DLG2: variants seen among roughly 807,000 people sequenced by gnomAD.
DLG2 encodes discs large MAGUK scaffold protein 2, also known as disks large homolog 2.
A neutral mutation model predicts 132.5 loss-of-function variants in DLG2; 45 were observed. The observed-to-expected ratio is 0.34, with a 90% CI of 0.27 to 0.44. The LOEUF is 0.44. Among genes scored for constraint, DLG2 ranks in the 20% least tolerant of loss-of-function variants. The pLI is 1.00. For missense variants in DLG2, 1,045 were observed against 1,196.9 expected, an observed-to-expected ratio of 0.87 and a Z score of 1.87; for synonymous variants, 424 against 419.6, an observed-to-expected ratio of 1.01 and a Z score of -0.13.
chr11:84,373,265 C>CAACAAAA lies in DLG2; in HGVS notation c.520-121975_520-121974insTTTTGTT, dbSNP rs2098715169. 3.1e-5 allele frequency among the ~76,000 whole-genome samples: 3 copies of CAACAAAA among 98,090 alleles called. 1 individual carries two copies. Among genetic ancestry groups the CAACAAAA allele is most frequent in the South Asian group, 3.5e-4 (1 of 2,884 alleles). The allele number at this position is 98,090 out of a possible 152,430, so 64.4% of individuals were successfully genotyped here. ...AGAAACAGTCAAAAAAAAAAAAAAA[C>CAACAAAA]AAAACAAAAAAAAAACCCACCAGGC... On this transcript the variant is annotated intron_variant, in intron 7 of 27. Coordinates refer to ENST00000376104, the MANE Select transcript of DLG2 (RefSeq NM_001142699.3).
chr11:83,905,547 T>A (rs2074510207), intron 15 of DLG2, among the ~76,000 whole-genome samples: 1 of 152,210 alleles, frequency 6.6e-6, no homozygotes, highest in Admixed American at 6.5e-5. Flanking sequence ...GGATGAGGTC[T>A]ACTTTGTTCT....
chr11:85,243,952 A>C (rs1467934073), intron 4 of DLG2, among the ~76,000 whole-genome samples: 1 of 151,980 alleles, frequency 6.6e-6, no homozygotes, highest in East Asian at 1.9e-4. Context: ...CTTTATATGA[A>C]AATAAAGTTA....
At chr11:83,722,955 A>T (rs1023925874) in intron 18 of DLG2, among the ~76,000 whole-genome samples, 5 of 152,248 alleles carry the variant, frequency 3.3e-5, no homozygotes, top group African/African-American at 1.2e-4. Context: ...TAAAACATTT[A>T]AAAAATTTTA....
At chr11:84,715,771 A>G (rs1468785209) in intron 6 of DLG2, among the ~76,000 whole-genome samples, 1 of 152,152 alleles carries the variant, frequency 6.6e-6, no homozygotes, top group Non-Finnish European at 1.5e-5. Flanking sequence ...TAAAATAGAT[A>G]CATGCCACAA....
At chr11:85,374,616 T>C (rs1046167845) in intron 3 of DLG2, among the ~76,000 whole-genome samples, 3 of 152,182 alleles carry the variant, frequency 2.0e-5, no homozygotes, top group African/African-American at 7.2e-5. Context: ...CCCTAAGTGC[T>C]GCAATTACAG....
intron 3 of DLG2, among the ~76,000 whole-genome samples, chr11:85,535,160 A>G (rs2075494461): frequency 6.6e-6 from 1 of 152,216 alleles, no homozygotes; most frequent in African/African-American, 2.4e-5. Context: ...GGAAGAGGAA[A>G]GGAAAATATA....
chr11:84,779,189 T>C (rs998325433), intron 6 of DLG2, among the ~76,000 whole-genome samples: 11 of 137,130 alleles, frequency 8.0e-5, no homozygotes, highest in Non-Finnish European at 1.6e-4. Context: ...TATATATATA[T>C]GTGCGCACAC....
chr11:84,296,459 T>A (rs1194992160), intron 7 of DLG2, among the ~76,000 whole-genome samples: 2 of 152,130 alleles, frequency 1.3e-5, no homozygotes, highest in Non-Finnish European at 2.9e-5. Context: ...CTCTTTGAGT[T>A]GGGGTCTTGC....
chr11:83,677,514 T>C (rs1036942784), intron 18 of DLG2, among the ~76,000 whole-genome samples: 11 of 152,176 alleles, frequency 7.2e-5, no homozygotes, highest in Non-Finnish European at 1.5e-4. Context: ...TATACCTGCT[T>C]TATAGCTAAG....
At chr11:85,288,993 G>T (rs1346415185) in intron 3 of DLG2, among the ~76,000 whole-genome samples, 1 of 151,964 alleles carries the variant, frequency 6.6e-6, no homozygotes, top group Non-Finnish European at 1.5e-5. Flanking sequence ...AAAAACCCTA[G>T]GGACAATATT....
intron 10 of DLG2, among the ~76,000 whole-genome samples, chr11:84,094,012 G>A (rs988940096): frequency 4.0e-5 from 6 of 150,982 alleles, no homozygotes; most frequent in Non-Finnish European, 8.8e-5. Context: ...GGGTACATGT[G>A]CACATTGTGC....
At chr11:85,494,268 G>T (rs1322995899) in intron 3 of DLG2, among the ~76,000 whole-genome samples, 1 of 152,052 alleles carries the variant, frequency 6.6e-6, no homozygotes, top group Non-Finnish European at 1.5e-5. Flanking sequence ...TTTATAACAT[G>T]TATTGATTTT....
At chr11:85,096,456 C>T (rs566353980) in intron 6 of DLG2, among the ~76,000 whole-genome samples, 11 of 151,612 alleles carry the variant, frequency 7.3e-5, no homozygotes, top group South Asian at 2.1e-4. Context: ...CAAAGGGCCG[C>T]GGCTTCATTC....
At chr11:83,862,274 G>A (rs543823767) in intron 16 of DLG2, among the ~76,000 whole-genome samples, 2 of 152,228 alleles carry the variant, frequency 1.3e-5, no homozygotes, top group African/African-American at 4.8e-5. Flanking sequence ...AAAAGAATGA[G>A]ATCCTGTCAT....
At chr11:85,164,157 C>T (rs552339997) in intron 4 of DLG2, among the ~76,000 whole-genome samples, 1 of 152,250 alleles carries the variant, frequency 6.6e-6, no homozygotes, top group South Asian at 2.1e-4. Context: ...CATAGACTAA[C>T]TCTCTTTCTG....
In DLG2 at chr11:85,397,227, C is replaced by T. The variant is rs574778811; in HGVS notation, c.41-111862G>A. ...AAAATCCTTTACAGACAAGTGAATGCTGAGAGATTTTGTCACCACCAGGCA... is the reference window on the plus strand; with the variant it reads ...AAAATCCTTTACAGACAAGTGAATGTTGAGAGATTTTGTCACCACCAGGCA... On this transcript the variant is annotated intron_variant, in intron 3 of 27. Coordinates refer to ENST00000376104, the MANE Select transcript of DLG2 (RefSeq NM_001142699.3). Among the ~76,000 whole-genome samples the T allele has an allele frequency of 2.6e-5, 4 of 152,280 alleles. No individual in the cohort carries two copies. The South Asian group carries it at 6.2e-4, about 24-fold the overall frequency.
At chr11:83,857,772 T>C (rs2060779633) in intron 16 of DLG2, among the ~76,000 whole-genome samples, 1 of 151,978 alleles carries the variant, frequency 6.6e-6, no homozygotes, top group African/African-American at 2.4e-5. Flanking sequence ...AGGCTATGCA[T>C]GTGTTGGGGC....
At chr11:84,723,785 C>A (rs1254244006) in intron 6 of DLG2, among the ~76,000 whole-genome samples, 1 of 151,974 alleles carries the variant, frequency 6.6e-6, no homozygotes, top group Non-Finnish European at 1.5e-5. Context: ...CTTAATTAGA[C>A]CTTTCAATGA....
At chr11:84,936,059 C>A (rs750308701) in intron 6 of DLG2, among the ~76,000 whole-genome samples, 1 of 152,144 alleles carries the variant, frequency 6.6e-6, no homozygotes, top group Non-Finnish European at 1.5e-5. Flanking sequence ...AATGCAATAT[C>A]CTTATCATCT....
Sources: gnomAD v4.1 joint callset for allele counts (sites outside exome capture counted in the v4.1 genomes callset) on GRCh38, gnomAD v4.1.1 for gene constraint, MANE v1.5 for transcripts, NCBI Gene and HGNC (gene_info 2026-07-23, HGNC 2026-07-21) for gene names.